Variants in ARL10 observed in about 807,000 individuals in gnomAD.
The protein encoded by ARL10 is ADP-ribosylation factor-like protein 10.
ARL10 carries 23 observed loss-of-function variants against 26.1 expected under a neutral mutation model. The observed-to-expected ratio is 0.88, with a 90% CI of 0.63 to 1.25. The LOEUF (loss-of-function observed/expected upper bound fraction) is 1.25. Among genes scored for constraint, ARL10 ranks in the 50% most tolerant of loss-of-function variants. The pLI is 0.00. For missense variants in ARL10, 300 were observed against 323.6 expected (o/e 0.93, Z 0.56); for synonymous variants, 138 against 149.1 (o/e 0.93, Z 0.54).
intron 1 of ARL10, among the ~76,000 whole-genome samples, chr5:176,398,916 C>G (rs1396022626): frequency 1.3e-5 from 2 of 151,604 alleles, no homozygotes; most frequent in African/African-American, 4.8e-5. Flanking sequence ...AATGTTGGTT[C>G]ACTGCAACCT....
At chr5:176,370,952 A>G (rs1768509774) in intron 3 of ARL10, among the ~76,000 whole-genome samples, 1 of 152,142 alleles carries the variant, frequency 6.6e-6, no homozygotes, top group South Asian at 2.1e-4. Context: ...TCTACCACCT[A>G]TCACTGTTAC....
At chr5:176,390,992 T>C (rs1037359387), downstream of ARL10, among the ~76,000 whole-genome samples, 4 of 152,142 alleles carry the variant, frequency 2.6e-5, no homozygotes, top group Admixed American at 2.6e-4. Context: ...ATGTTGGATT[T>C]GAGGACCTGC....
At chr5:176,389,697 T>C, downstream of ARL10, 1 of 515,244 alleles carries the variant, frequency 1.9e-6, no homozygotes, top group Non-Finnish European at 3.4e-6. Flanking sequence ...TACATACTTC[T>C]ATTTGTGCCA....
In ARL10 at chr5:176,368,965, G is replaced by T; in HGVS notation, c.544G>T (p.Val182Leu). The T allele has an allele frequency of 6.2e-7, 1 of 1,613,976 alleles. No homozygotes were observed. The highest frequency in any genetic ancestry group is 1.1e-5 in the South Asian group (1 of 91,084). Residue 182 changes from valine to leucine, a missense_variant, in exon 3 of 4, where the codon GTG becomes TTG. Transcript: ENST00000310389. The surrounding 1 kb of genome is among the most constrained non-coding windows in gnomAD (Gnocchi z 4.1). The stretch of plus-strand genomic sequence containing the variant: ...CAAGGACCCTGACCTGCCTGTCGTC[G>T]TGGTGGCCAACAAGCAGGTGAGGGC... ...LDKDPDLPVV[V>L]VANKQDLSEA...
chr5:176,414,676 A>T, the ARL10 span, among the ~76,000 whole-genome samples: 3 of 152,274 alleles, frequency 2.0e-5, no homozygotes, highest in African/African-American at 7.2e-5. Flanking sequence ...TTGAAAGAGC[A>T]TGGAGCCCAG....
In ARL10 at chr5:176,375,335, T is replaced by TCCATCCACC. The variant is rs56310724; in HGVS notation, c.*3441_*3442insCATCCACCC. On this transcript the variant is annotated 3_prime_UTR_variant, in exon 4 of 4. Coordinates refer to ENST00000310389, the MANE Select transcript of ARL10 (RefSeq NM_173664.6). ...ATCCATCCATCCATCCATCCATCCA[T>TCCATCCACC]CATCCACCCATCCATCCATCCATCC... The TCCATCCACC allele has an allele frequency of 9.8e-5, 4 of 40,690 alleles. No homozygotes were observed. The highest frequency in any genetic ancestry group is 3.1e-4 in the African/African-American group (4 of 13,106). The allele number at this position is 40,690 out of a possible 1,614,324, so 2.5% of individuals were successfully genotyped here.
chr5:176,382,855 A>G (rs1047952892), downstream of ARL10, among the ~76,000 whole-genome samples: 9 of 152,202 alleles, frequency 5.9e-5, no homozygotes, highest in Non-Finnish European at 1.3e-4. Context: ...ACACATGCTA[A>G]GGGGCCACCC....
In ARL10 at chr5:176,377,789, A is replaced by C. The variant is rs1004803016; in HGVS notation, c.*5894A>C. 4 of 152,020 alleles carry C rather than the reference A, an allele frequency of 2.6e-5. No individual in the cohort carries two copies. The highest frequency in any genetic ancestry group is 9.7e-5 in the African/African-American group (4 of 41,348). 9.4% of individuals were successfully genotyped at this position (152,020 alleles called of 1,614,324 possible). Reference sequence around the variant, plus strand: ...TTTTGTTTTTTTGTTTTGAGACAGGATCTCACTCTGTCACCCAGGCTGGAA... The same window carrying C: ...TTTTGTTTTTTTGTTTTGAGACAGGCTCTCACTCTGTCACCCAGGCTGGAA... On this transcript the variant is annotated 3_prime_UTR_variant, in exon 4 of 4. Coordinates refer to ENST00000310389, the MANE Select transcript of ARL10 (RefSeq NM_173664.6). This position sits in a 1 kb window ranked among gnomAD's most constrained non-coding sequence, Gnocchi z 4.5.
At chr5:176,405,325 TA>T (rs993635622), downstream of ARL10, among the ~76,000 whole-genome samples, 47 of 151,480 alleles carry the variant, frequency 3.1e-4, no homozygotes, top group African/African-American at 1.1e-3. Context: ...CACATCTCCA[TA>T]AAAAAATTAA....
chr5:176,384,299 G>T (rs369844270), downstream of ARL10: 4 of 1,614,076 alleles, frequency 2.5e-6, no homozygotes, highest in South Asian at 1.1e-5. Flanking sequence ...GGGTAAAAGC[G>T]TTTATAGACG....
chr5:176,396,554 A>G (rs753694498), intron 1 of ARL10: 2 of 1,606,126 alleles, frequency 1.2e-6, no homozygotes, highest in East Asian at 4.5e-5. Flanking sequence ...GGTTGAGGGA[A>G]GGGGTTAGGT....
At chr5:176,365,963 GGCGCCAC>G (rs1483002879) in intron 1 of ARL10, among the ~76,000 whole-genome samples, 1 of 152,206 alleles carries the variant, frequency 6.6e-6, no homozygotes, top group African/African-American at 2.4e-5. Flanking sequence ...GCGGCGCCTT[GGCGCCAC>G]GCCGTCGCTC....
chr5:176,408,083 C>A, the ARL10 span, among the ~76,000 whole-genome samples: 1 of 151,972 alleles, frequency 6.6e-6, no homozygotes, highest in South Asian at 2.1e-4. Context: ...GGCTGGGGGG[C>A]CGAGGTGAGG....
chr5:176,407,355 G>A, the ARL10 span, among the ~76,000 whole-genome samples: 1 of 152,186 alleles, frequency 6.6e-6, no homozygotes, highest in African/African-American at 2.4e-5. Context: ...GTCCAGGCTG[G>A]AGTGCAGTGT....
chr5:176,389,034 A>T, downstream of ARL10: 3 of 1,591,716 alleles, frequency 1.9e-6, no homozygotes, highest in Non-Finnish European at 2.6e-6. Flanking sequence ...GGAAGGAAGT[A>T]GAGAAGGACC....
chr5:176,398,436 G>A (rs1450195151), intron 1 of ARL10, among the ~76,000 whole-genome samples: 1 of 152,152 alleles, frequency 6.6e-6, no homozygotes, highest in Non-Finnish European at 1.5e-5. Context: ...AGAATGTCGG[G>A]CGCAGTGGCT....
At position 176,381,207 on chromosome 5, in the gene ARL10, C is replaced by T. The variant is rs189468210; in HGVS notation, c.*9312C>T. On this transcript the variant is annotated 3_prime_UTR_variant, in exon 4 of 4. Coordinates refer to ENST00000310389, the MANE Select transcript of ARL10 (RefSeq NM_173664.6). The stretch of plus-strand genomic sequence containing the variant: ...ATGGGATGCAGTCCAATCCAGGACC[C>T]AGTCCAGTAAAAATTGCTCAGATAA... 7 of 152,358 alleles carry T rather than the reference C, an allele frequency of 4.6e-5. No individual in the cohort carries two copies. In the East Asian group the frequency reaches 1.3e-3, roughly 29 times the overall value. The allele number at this position is 152,358 out of a possible 1,614,324, so 9.4% of individuals were successfully genotyped here. A position where few individuals can be genotyped will look rare whatever the true frequency, so the allele number is the denominator to read the frequency against.
In ARL10 at chr5:176,371,996, T is replaced by C; in HGVS notation, c.*101T>C. The C allele has an allele frequency of 6.7e-7, 1 of 1,485,870 alleles. No homozygotes were observed. The highest frequency in any genetic ancestry group is 9.0e-7 in the Non-Finnish European group (1 of 1,115,556). The allele number at this position is 1,485,870 out of a possible 1,614,324, so 92.0% of individuals were successfully genotyped here. A position where few individuals can be genotyped will look rare whatever the true frequency, so the allele number is the denominator to read the frequency against. ...CTGGGGCAAGAGCCACATGGCAGCA[T>C]TTCCCTTTTCCCCTCCTTTGCCTTT... On this transcript the variant is annotated 3_prime_UTR_variant, in exon 4 of 4. Coordinates refer to ENST00000310389, the MANE Select transcript of ARL10 (RefSeq NM_173664.6).
Position 176,365,641 on chromosome 5 carries a change from C to T in ARL10, c.78C>T (p.Ile26=), listed in dbSNP as rs1768256269. The T allele has an allele frequency of 2.1e-5, 26 of 1,259,772 alleles. No individual in the cohort carries two copies. Among genetic ancestry groups the T allele is most frequent in the Non-Finnish European group, 2.5e-5 (25 of 1,002,596 alleles). 78.0% of individuals were successfully genotyped at this position (1,259,772 alleles called of 1,614,324 possible). A position where few individuals can be genotyped will look rare whatever the true frequency, so the allele number is the denominator to read the frequency against. Residue 26 remains isoleucine, a synonymous_variant, in exon 1 of 4, where the codon ATC becomes ATT. Transcript: ENST00000310389. ...AAAVLGSVLF[I]LWKTYFGRGR... is the part of the protein sequence containing the mutation. ...CGGTGCTGGGCTCGGTGCTCTTCAT[C>T]CTCTGGAAGACCTACTTCGGCCGCG...
Sources: gnomAD v4.1 joint callset for allele counts (sites outside exome capture counted in the v4.1 genomes callset) on GRCh38, gnomAD v4.1.1 for gene constraint, Gnocchi (gnomAD v3.1) non-coding constraint, MANE v1.5 for transcripts, NCBI Gene and HGNC (gene_info 2026-07-23, HGNC 2026-07-21) for gene names.